EPHA6: variants seen among roughly 807,000 people sequenced by gnomAD.
The protein encoded by EPHA6 is ephrin type-A receptor 6.
A neutral mutation model predicts 112.0 loss-of-function variants in EPHA6; 50 were observed. That is an observed-to-expected ratio of 0.45 (90% CI 0.36 to 0.56). The LOEUF is 0.56. EPHA6 is among the 20% of genes least tolerant of loss of function. EPHA6 has a pLI of 0.00. For missense variants in EPHA6, 1,280 were observed against 1,417.4 expected (o/e 0.90, Z 1.56); for synonymous variants, 529 against 490.7 (o/e 1.08, Z -1.03).
At chr3:97,485,053 A>G (rs964756253) in intron 10 of EPHA6, among the ~76,000 whole-genome samples, 1 of 152,210 alleles carries the variant, frequency 6.6e-6, no homozygotes, top group Non-Finnish European at 1.5e-5. Flanking sequence ...CTGTTTTCCT[A>G]AAATAGACAA....
chr3:97,720,260 G>A lies in EPHA6; in HGVS notation c.2785-1G>A. The A allele has an allele frequency of 6.4e-7, 1 of 1,573,740 alleles. No homozygotes were observed. The highest frequency in any genetic ancestry group is 8.6e-7 in the Non-Finnish European group (1 of 1,162,902). ...TAAGAAATCTCCAATTTGTTTTCCA[G>A]GGTGGAAAAATCCCCATAAGGTGGA... On this transcript the variant is annotated splice_acceptor_variant, in intron 14 of 17. Coordinates refer to ENST00000389672, the MANE Select transcript of EPHA6 (RefSeq NM_001080448.3). LOFTEE classifies it high-confidence loss of function.
chr3:97,052,530 A>G (rs781278682), intron 3 of EPHA6, among the ~76,000 whole-genome samples: 2 of 152,110 alleles, frequency 1.3e-5, no homozygotes, highest in Non-Finnish European at 2.9e-5. Flanking sequence ...GCCACTCAAT[A>G]TTTGTTGACT....
chr3:97,585,137 C>T (rs1303150566), intron 11 of EPHA6, among the ~76,000 whole-genome samples: 1 of 152,158 alleles, frequency 6.6e-6, no homozygotes, highest in Non-Finnish European at 1.5e-5. Flanking sequence ...ATACATGCTT[C>T]ATTCAGTGTA....
At chr3:97,152,275 GAATAAAAAT>G (rs1487322524) in intron 3 of EPHA6, among the ~76,000 whole-genome samples, 2 of 151,594 alleles carry the variant, frequency 1.3e-5, no homozygotes, top group Non-Finnish European at 2.9e-5. Flanking sequence ...TAGAATCAGG[GAATAAAAAT>G]AATAATAGAG....
chr3:97,488,140 T>G (rs889604187), intron 10 of EPHA6, among the ~76,000 whole-genome samples: 1 of 152,208 alleles, frequency 6.6e-6, no homozygotes, highest in Admixed American at 6.5e-5. Context: ...CTTCTTAAAT[T>G]TGACCTTCCC....
chr3:97,151,652 G>A (rs149524418), intron 3 of EPHA6, among the ~76,000 whole-genome samples: 93 of 151,928 alleles, frequency 6.1e-4, no homozygotes, highest in Non-Finnish European at 1.1e-3. Context: ...ATTATATTTT[G>A]TGCCTTACTG....
intron 3 of EPHA6, among the ~76,000 whole-genome samples, chr3:97,064,827 A>G (rs556355520): frequency 6.6e-6 from 1 of 152,168 alleles, no homozygotes; most frequent in Admixed American, 6.5e-5. Context: ...CTCTGGAGAA[A>G]GCTCCTGTAC....
rs538341296 is a variant in EPHA6 at position 97,714,662 on chromosome 3, T to A, written c.2785-5599T>A. The stretch of plus-strand genomic sequence containing the variant: ...GTGATTCTCAAGAGTAAGAGGACTA[T>A]CCCCCTAGTTAGGGTTGTCTGTTCT... On this transcript the variant is annotated intron_variant, in intron 14 of 17. Transcript: ENST00000389672. 8.5e-4 allele frequency among the ~76,000 whole-genome samples: 129 copies of A among 152,328 alleles called. 1 individual carries two copies. Among genetic ancestry groups the A allele is most frequent in the South Asian group, 4.3e-3 (21 of 4,828 alleles).
At chr3:96,837,455 A>C (rs947986229) in intron 1 of EPHA6, among the ~76,000 whole-genome samples, 1 of 152,106 alleles carries the variant, frequency 6.6e-6, no homozygotes, top group African/African-American at 2.4e-5. Flanking sequence ...AAAACATGGG[A>C]GAGATCATTC....
At chr3:97,705,932 G>T (rs997252311) in intron 14 of EPHA6, among the ~76,000 whole-genome samples, 1 of 152,128 alleles carries the variant, frequency 6.6e-6, no homozygotes, top group Non-Finnish European at 1.5e-5. Flanking sequence ...CTCCAGTGAT[G>T]TCCTCCAAGA....
chr3:96,844,365 A>G (rs2034943659), intron 1 of EPHA6, among the ~76,000 whole-genome samples: 1 of 152,012 alleles, frequency 6.6e-6, no homozygotes, highest in Non-Finnish European at 1.5e-5. Context: ...ACTCTGTGAC[A>G]ACATACAAAA....
intron 2 of EPHA6, among the ~76,000 whole-genome samples, chr3:96,967,599 C>G (rs1472380544): frequency 1.3e-5 from 2 of 151,500 alleles, no homozygotes; most frequent in Non-Finnish European, 2.9e-5. Context: ...GTACCAATAT[C>G]TTTTTCTAGA....
chr3:97,720,148 C>T (rs972733189), intron 14 of EPHA6, 113 bp from the exon 15 acceptor site: 4 of 798,956 alleles, frequency 5.0e-6, no homozygotes, highest in Non-Finnish European at 7.0e-6. Context: ...TTTAAAATGC[C>T]AGTGCTATTA....
intron 3 of EPHA6, among the ~76,000 whole-genome samples, chr3:97,039,165 C>T (rs993723376): frequency 6.6e-6 from 1 of 151,710 alleles, no homozygotes; most frequent in Admixed American, 6.6e-5. Context: ...TTAGGGAGGG[C>T]AGGAAAACAA....
intron 6 of EPHA6, among the ~76,000 whole-genome samples, chr3:97,430,089 A>G (rs2089412865): frequency 6.6e-6 from 1 of 152,186 alleles, no homozygotes; most frequent in African/African-American, 2.4e-5. Context: ...TAAATATCAC[A>G]TAGTTTTATT....
intron 2 of EPHA6, among the ~76,000 whole-genome samples, chr3:96,925,847 C>T (rs772200213): frequency 1.3e-5 from 2 of 152,082 alleles, no homozygotes; most frequent in African/African-American, 2.4e-5. Flanking sequence ...CTCAGGTGAT[C>T]CACCTGCCTT....
At chr3:97,712,875 C>A (rs537653285) in intron 14 of EPHA6, among the ~76,000 whole-genome samples, 1 of 152,132 alleles carries the variant, frequency 6.6e-6, no homozygotes, top group East Asian at 1.9e-4. Context: ...CTAAGTATTG[C>A]AAATGAGGAG....
chr3:97,439,542 G>A (rs1324756846), intron 6 of EPHA6: 2 of 727,468 alleles, frequency 2.7e-6, no homozygotes, highest in Non-Finnish European at 3.4e-6. Context: ...CAACAACTCT[G>A]TTGGTTGCCA....
chr3:97,548,872 A>T (rs1334197236), intron 11 of EPHA6, among the ~76,000 whole-genome samples: 1 of 152,214 alleles, frequency 6.6e-6, no homozygotes, highest in Non-Finnish European at 1.5e-5. Flanking sequence ...TAACTATTTT[A>T]TGTCAATGGT....
Sources: allele counts gnomAD v4.1 joint callset (sites outside exome capture counted in the v4.1 genomes callset), GRCh38; gene constraint gnomAD v4.1.1; transcripts MANE v1.5; gene names NCBI Gene and HGNC (gene_info 2026-07-23, HGNC 2026-07-21).